HERC1: variants seen among roughly 807,000 people sequenced by gnomAD.
HERC1 encodes the protein HECT and RLD domain containing E3 ubiquitin protein ligase family member 1, also known as probable E3 ubiquitin-protein ligase HERC1.
In HERC1, 160 loss-of-function variants were observed where a neutral mutation model predicts 554.3. That is an observed-to-expected ratio of 0.29 (90% CI 0.25 to 0.33). The LOEUF (loss-of-function observed/expected upper bound fraction) is 0.33. HERC1 is among the 10% of genes least tolerant of loss of function. The probability of loss-of-function intolerance (pLI) is 1.00; values close to 1 mark genes in which losing one functional copy is unlikely to be tolerated. For missense variants in HERC1, 4,919 were observed against 5,918.5 expected (o/e 0.83, Z 5.54); for synonymous variants, 2,175 against 2,131.7 (o/e 1.02, Z -0.56).
intron 1 of HERC1, among the ~76,000 whole-genome samples, chr15:63,784,676 C>T (rs1462421982): frequency 2.0e-5 from 3 of 151,946 alleles, no homozygotes; most frequent in African/African-American, 4.8e-5. Context: ...GGCGCAATCT[C>T]GGCTCACTGC....
intron 63 of HERC1, 104 bp from the exon 64 acceptor site, chr15:63,637,747 G>A: frequency 1.0e-6 from 1 of 981,108 alleles, no homozygotes; most frequent in Non-Finnish European, 1.5e-6. Flanking sequence ...TTTTATAATT[G>A]TTTTATCCTT....
chr15:63,732,520 G>C (rs919374441), intron 14 of HERC1, among the ~76,000 whole-genome samples: 16 of 152,260 alleles, frequency 1.1e-4, no homozygotes, highest in African/African-American at 3.9e-4. Context: ...TAGAATTAAT[G>C]GCATACTAAT....
At chr15:63,812,173 G>A (rs2077343972) in intron 1 of HERC1, among the ~76,000 whole-genome samples, 2 of 152,140 alleles carry the variant, frequency 1.3e-5, no homozygotes, top group Non-Finnish European at 2.9e-5. Flanking sequence ...AAGATGACAA[G>A]TTTACTTAGG....
At position 63,723,227 on chromosome 15, in the gene HERC1, C is replaced by T. The variant is rs1485859989; in HGVS notation, c.3697G>A (p.Ala1233Thr). The T allele has an allele frequency of 3.1e-6, 5 of 1,592,708 alleles. No individual in the cohort carries two copies. Among genetic ancestry groups the T allele is most frequent in the Non-Finnish European group, 4.3e-6 (5 of 1,168,906 alleles). The change falls in exon 19 of 78, where the codon GCC (alanine) becomes ACC (threonine). Residue 1233 changes from alanine to threonine, a missense_variant. By Grantham distance (58) the Ala-to-Thr change is moderately conservative. This residue lies in a region of HERC1 where 1,121 missense variants were observed against 1,244.0 expected (regional missense o/e 0.90). Transcript: ENST00000443617. Reference sequence around the variant, plus strand: ...TGCATGCTGATCCAAAGGCTTCGGGCAGGCTCTTTAGAACAACCCAATGCC... The same window carrying T: ...TGCATGCTGATCCAAAGGCTTCGGGTAGGCTCTTTAGAACAACCCAATGCC... ...DLALGCSKEPARSLWISMQDY... is the reference protein window; with the variant it reads ...DLALGCSKEPTRSLWISMQDY...
At position 63,704,981 on chromosome 15, in the gene HERC1, GC is replaced by G. The variant is rs1787869980; in HGVS notation, c.4636+1798del. Among the ~76,000 whole-genome samples the G allele has an allele frequency of 3.3e-5, 5 of 151,442 alleles. No homozygotes were observed. In the South Asian group the frequency reaches 1.0e-3, roughly 32 times the overall value. On this transcript the variant is annotated intron_variant, in intron 25 of 77. Coordinates refer to ENST00000443617, the MANE Select transcript of HERC1 (RefSeq NM_003922.4). Reference sequence around the variant, plus strand: ...TGTCGATCTCCTGACCTCGTGATCCGCCCACCTCAGCCTCCCAAAGTGCTGG... The same window carrying G: ...TGTCGATCTCCTGACCTCGTGATCCGCCACCTCAGCCTCCCAAAGTGCTGG...
chr15:63,784,064 C>CAA (rs35436692), intron 1 of HERC1, among the ~76,000 whole-genome samples: 2,056 of 126,092 alleles, frequency 0.016, 47 homozygotes, highest in African/African-American at 0.049. Flanking sequence ...GACTCTATCT[C>CAA]AAAAAAAAAA....
intron 13 of HERC1, 122 bp from the exon 14 acceptor site, chr15:63,733,267 G>T (rs1281902535): frequency 3.0e-6 from 2 of 658,464 alleles, no homozygotes; most frequent in Non-Finnish European, 2.6e-6. Flanking sequence ...TCATCTTCAG[G>T]AAGTACATAA....
At chr15:63,682,299 T>C (rs147522411) in intron 34 of HERC1, among the ~76,000 whole-genome samples, 2,032 of 152,266 alleles carry the variant, frequency 0.013, 25 homozygotes, top group Admixed American at 0.027. Flanking sequence ...TAGCTAAAGT[T>C]AGGAAAAAAG....
At chr15:63,717,751 A>C (rs560550739) in intron 21 of HERC1, among the ~76,000 whole-genome samples, 96 of 152,306 alleles carry the variant, frequency 6.3e-4, no homozygotes, top group Non-Finnish European at 7.6e-4. Context: ...GCATGCCTGT[A>C]ATCCCAGCTA....
chr15:63,805,139 G>A (rs8042627), intron 1 of HERC1, among the ~76,000 whole-genome samples: 334 of 152,206 alleles, frequency 2.2e-3, no homozygotes, highest in African/African-American at 7.4e-3. Context: ...TATTTATAGC[G>A]TCTTTATTCA....
At chr15:63,778,610 C>G (rs1309303590) in intron 1 of HERC1, among the ~76,000 whole-genome samples, 1 of 152,068 alleles carries the variant, frequency 6.6e-6, no homozygotes, top group African/African-American at 2.4e-5. Flanking sequence ...ACAGAACAAC[C>G]CTTTCCTCAA....
chr15:63,664,275 A>G (rs1349547711), intron 43 of HERC1, among the ~76,000 whole-genome samples, 195 bp downstream of exon 43: 2 of 152,250 alleles, frequency 1.3e-5, no homozygotes, highest in African/African-American at 4.8e-5. Context: ...AAACTTAAAA[A>G]TAAGCCTATG....
chr15:63,636,272 A>ATTTT, intron 64 of HERC1, 130 bp from the exon 65 acceptor site: 1 of 608,566 alleles, frequency 1.6e-6, no homozygotes, highest in African/African-American at 2.0e-5. Flanking sequence ...TAATTTCATT[A>ATTTT]GTTTTTTTTT....
Position 63,739,251 on chromosome 15 carries a change from G to A in HERC1, c.2521-4402C>T, listed in dbSNP as rs531481261. The stretch of plus-strand genomic sequence containing the variant: ...CTCGTTCTGTTGCCCAGGCTGGAGT[G>A]CAGTGGCGTGATCTCAGCTCACTGC... On this transcript the variant is annotated intron_variant, in intron 12 of 77. Transcript: ENST00000443617. Among the ~76,000 whole-genome samples, 228 of 142,866 alleles carry A rather than the reference G, an allele frequency of 1.6e-3. 1 individual carries two copies. In the South Asian group the frequency reaches 0.016, roughly 10 times the overall value. The allele number at this position is 142,866 out of a possible 152,430, so 93.7% of individuals were successfully genotyped here. A position where few individuals can be genotyped will look rare whatever the true frequency, so the allele number is the denominator to read the frequency against.
In HERC1 at chr15:63,716,427, G is replaced by T; in HGVS notation, c.4025C>A (p.Ser1342Ter). The T allele has an allele frequency of 6.2e-7, 1 of 1,613,644 alleles. No homozygotes were observed. The highest frequency in any genetic ancestry group is 8.5e-7 in the Non-Finnish European group (1 of 1,179,710). The change falls in exon 22 of 78, where the codon TCA (serine) becomes TAA (stop). Residue 1342 changes from serine (S) to a stop codon, truncating the protein, a stop_gained. Coordinates refer to ENST00000443617, the MANE Select transcript of HERC1 (RefSeq NM_003922.4). LOFTEE classifies it high-confidence loss of function. ...TTCTTCATCAATAGTTCGAGTAAAT[G>T]AATGCTCCTGAGGATCAACATCTGC... ...DSADVDPQEH[S>*]FTRTIDEEAE...
At chr15:63,655,086 G>C (rs951087374) in intron 50 of HERC1, among the ~76,000 whole-genome samples, 1 of 152,090 alleles carries the variant, frequency 6.6e-6, no homozygotes, top group Non-Finnish European at 1.5e-5. Flanking sequence ...GGGTGTGGTG[G>C]CTCATGCCTG....
chr15:63,790,405 C>T (rs1344168854), intron 1 of HERC1, among the ~76,000 whole-genome samples: 1 of 151,982 alleles, frequency 6.6e-6, no homozygotes, highest in East Asian at 1.9e-4. Context: ...AGTGAAACCC[C>T]GTCTCTACCA....
At chr15:63,691,810 A>G (rs951557913) in intron 31 of HERC1, among the ~76,000 whole-genome samples, 2 of 152,220 alleles carry the variant, frequency 1.3e-5, no homozygotes, top group African/African-American at 4.8e-5. Context: ...ATTGTTGTAT[A>G]ATACTGTGAA....
intron 1 of HERC1, among the ~76,000 whole-genome samples, chr15:63,803,511 C>T (rs1202360127): frequency 6.6e-6 from 1 of 152,152 alleles, no homozygotes; most frequent in Non-Finnish European, 1.5e-5. Context: ...AAGCCTTGAA[C>T]TGCTGGGCTC....
Sources: gnomAD v4.1 joint callset for allele counts (sites outside exome capture counted in the v4.1 genomes callset) on GRCh38, gnomAD v4.1.1 for gene constraint, gnomAD v4.1.1 regional missense constraint, MANE v1.5 for transcripts, NCBI Gene and HGNC (gene_info 2026-07-23, HGNC 2026-07-21) for gene names.